UNC13C: variants seen among roughly 807,000 people sequenced by gnomAD.
UNC13C encodes the protein unc-13 homolog C, also known as protein unc-13 homolog C.
Under a neutral mutation model 245.4 loss-of-function variants are expected in UNC13C, and 174 were observed. The ratio of observed to expected loss-of-function variants is 0.71; its 90% CI spans 0.63 to 0.80. UNC13C has a LOEUF of 0.80. UNC13C is among the 30% of genes least tolerant of loss of function. The pLI is 0.00. For synonymous variants in UNC13C, 992 were observed against 895.1 expected (o/e 1.11, Z -1.93); for missense variants, 2,829 against 2,602.9 (o/e 1.09, Z -1.89).
intron 2 of UNC13C, among the ~76,000 whole-genome samples, chr15:54,040,299 A>G (rs914586769): frequency 1.3e-5 from 2 of 152,180 alleles, no homozygotes; most frequent in African/African-American, 2.4e-5. Flanking sequence ...CTGACACAAG[A>G]TAGACTTAGG....
chr15:54,428,365 C>A (rs987996360), intron 19 of UNC13C, among the ~76,000 whole-genome samples: 1 of 151,590 alleles, frequency 6.6e-6, no homozygotes, highest in African/African-American at 2.4e-5. Flanking sequence ...TTGGGACAAT[C>A]GCTCTGAACT....
intron 1 of UNC13C, among the ~76,000 whole-genome samples, chr15:53,990,397 C>A (rs1363239937): frequency 1.3e-5 from 2 of 152,106 alleles, no homozygotes; most frequent in African/African-American, 4.8e-5. Flanking sequence ...AATGAAGGGG[C>A]TCTTCTGTCT....
intron 17 of UNC13C, among the ~76,000 whole-genome samples, chr15:54,357,267 A>T (rs1010469540): frequency 3.9e-5 from 6 of 152,068 alleles, no homozygotes; most frequent in African/African-American, 7.2e-5. Context: ...GTGTTTTATT[A>T]TAAATTTCAA....
intron 17 of UNC13C, among the ~76,000 whole-genome samples, chr15:54,366,376 C>G (rs1182278885): frequency 6.6e-6 from 1 of 152,112 alleles, no homozygotes; most frequent in East Asian, 1.9e-4. Context: ...ATGCTTTGTA[C>G]TTTGCCTGAG....
chr15:54,188,058 A>T (rs1814350), intron 4 of UNC13C, among the ~76,000 whole-genome samples: 136,866 of 152,110 alleles, frequency 0.9, 62,084 homozygotes, highest in Non-Finnish European at 0.96. Flanking sequence ...CCTCAAGTGA[A>T]CCACCCACTT....
intron 19 of UNC13C, among the ~76,000 whole-genome samples, chr15:54,465,533 G>T (rs908818752): frequency 5.5e-4 from 83 of 152,138 alleles, no homozygotes; most frequent in African/African-American, 1.9e-3. Context: ...GTACTAGTTA[G>T]TAATAACTTA....
At chr15:53,846,788 C>T in the UNC13C span, among the ~76,000 whole-genome samples, 1 of 152,092 alleles carries the variant, frequency 6.6e-6, no homozygotes. Context: ...GGAAGGTAAG[C>T]CATTTAATAA....
chr15:54,143,566 C>T, intron 3 of UNC13C, 54 bp from the exon 4 acceptor site: 2 of 1,472,336 alleles, frequency 1.4e-6, no homozygotes, highest in Non-Finnish European at 1.9e-6. Flanking sequence ...GTACATAAAA[C>T]TGTAGTATGC....
At chr15:54,192,873 C>T (rs1230555699) in intron 4 of UNC13C, among the ~76,000 whole-genome samples, 4 of 151,218 alleles carry the variant, frequency 2.6e-5, no homozygotes, top group African/African-American at 7.3e-5. Context: ...ACAGGTTTCT[C>T]TCTCTTTCTT....
At chr15:54,394,419 C>T (rs2040028483) in intron 18 of UNC13C, among the ~76,000 whole-genome samples, 1 of 151,792 alleles carries the variant, frequency 6.6e-6, no homozygotes, top group Non-Finnish European at 1.5e-5. Flanking sequence ...CTTCTATTCT[C>T]TTCTGTTAGG....
intron 17 of UNC13C, among the ~76,000 whole-genome samples, chr15:54,352,867 C>A (rs773623929): frequency 1.3e-5 from 2 of 151,946 alleles, no homozygotes; most frequent in Non-Finnish European, 2.9e-5. Flanking sequence ...ATTTTGTTAC[C>A]ATTCCTTAAA....
At chr15:53,880,279 C>G in the UNC13C span, among the ~76,000 whole-genome samples, 1 of 152,032 alleles carries the variant, frequency 6.6e-6, no homozygotes, top group Admixed American at 6.6e-5. Context: ...CAGAAGTTGG[C>G]TAAAACAACT....
At chr15:54,097,185 C>A (rs986258585) in intron 2 of UNC13C, among the ~76,000 whole-genome samples, 8 of 152,132 alleles carry the variant, frequency 5.3e-5, no homozygotes, top group Admixed American at 5.2e-4. Flanking sequence ...TATGGAACAC[C>A]CAGTCTTTTG....
Position 54,190,227 on chromosome 15 carries a change from A to AAG in UNC13C, c.3072-44803_3072-44802insAG, listed in dbSNP as rs565876546. 2.4e-3 allele frequency among the ~76,000 whole-genome samples: 363 copies of AAG among 152,316 alleles called. 3 individuals are homozygous for AAG. The highest frequency in any genetic ancestry group is 8.3e-3 in the African/African-American group (344 of 41,578). Reference sequence around the variant, plus strand: ...CAACCAATTAAGTGGCAAAGCCAAGACTAAAAAACTCAGACATACAAGCTT... The same window carrying AAG: ...CAACCAATTAAGTGGCAAAGCCAAGAAGCTAAAAAACTCAGACATACAAGCTT... On this transcript the variant is annotated intron_variant, in intron 4 of 32. Coordinates refer to ENST00000260323, the MANE Select transcript of UNC13C (RefSeq NM_001080534.3).
intron 2 of UNC13C, among the ~76,000 whole-genome samples, chr15:54,055,959 A>T (rs1897495778): frequency 6.6e-6 from 1 of 152,186 alleles, no homozygotes; most frequent in Non-Finnish European, 1.5e-5. Context: ...TCTACTGGAT[A>T]CCTTCCATTA....
intron 30 of UNC13C, among the ~76,000 whole-genome samples, chr15:54,576,875 T>G (rs62023994): frequency 0.062 from 9,386 of 152,292 alleles, 482 homozygotes; most frequent in Admixed American, 0.13. Context: ...AAGTGCCCAG[T>G]AGAGTACTGG....
At chr15:54,578,233 A>C (rs1898042519) in intron 30 of UNC13C, among the ~76,000 whole-genome samples, 1 of 152,200 alleles carries the variant, frequency 6.6e-6, no homozygotes, top group Admixed American at 6.5e-5. Context: ...GGAAATTATC[A>C]CTTTTAATGT....
chr15:54,009,188 A>G lies in UNC13C; in HGVS notation c.-256-3460A>G, dbSNP rs555199900. ...TATTAGGAAATTGTTGCTGGATCAT[A>G]GAGATAAAAGGTATCTTCCCTTTCA... On this transcript the variant is annotated intron_variant, in intron 1 of 32. Transcript: ENST00000260323. 3.2e-4 allele frequency among the ~76,000 whole-genome samples: 49 copies of G among 152,344 alleles called. No homozygotes were observed. In the South Asian group the frequency reaches 0.01, roughly 32 times the overall value.
chr15:54,312,458 A>G (rs2037900171), intron 13 of UNC13C, among the ~76,000 whole-genome samples: 1 of 151,738 alleles, frequency 6.6e-6, no homozygotes, highest in Admixed American at 6.6e-5. Context: ...GAGTTTTCTA[A>G]GTATATTTCT....
Sources: gnomAD v4.1 joint callset for allele counts (sites outside exome capture counted in the v4.1 genomes callset) on GRCh38, gnomAD v4.1.1 for gene constraint, MANE v1.5 for transcripts, NCBI Gene and HGNC (gene_info 2026-07-23, HGNC 2026-07-21) for gene names.